NUP210L: variants seen among roughly 807,000 people sequenced by gnomAD.
NUP210L encodes nucleoporin 210 like.
Under a neutral mutation model 208.5 loss-of-function variants are expected in NUP210L, and 74 were observed. That is an observed-to-expected ratio of 0.35 (90% CI 0.29 to 0.43). The LOEUF (loss-of-function observed/expected upper bound fraction) is 0.43, where lower values mean the gene tolerates loss of function less well. NUP210L is among the 20% of genes least tolerant of loss of function. The pLI is 1.00. For synonymous variants in NUP210L, 780 were observed against 816.9 expected (o/e 0.95, Z 0.77); for missense variants, 1,843 against 2,289.4 (o/e 0.81, Z 3.98).
At chr1:154,126,286 G>A (rs773477654) in intron 10 of NUP210L, 37 bp downstream of exon 10, 52 of 1,584,048 alleles carry the variant, frequency 3.3e-5, no homozygotes, top group Non-Finnish European at 4.2e-5. Flanking sequence ...CCTCTTCAGT[G>A]TTCTTAGAAT....
At chr1:154,086,204 T>A in intron 16 of NUP210L, among the ~76,000 whole-genome samples, 1 of 135,046 alleles carries the variant, frequency 7.4e-6, no homozygotes. Flanking sequence ...AGAGTGAGAC[T>A]CAGTCTCAAA....
In NUP210L at chr1:154,086,287, C is replaced by T. The variant is rs548611678; in HGVS notation, c.2361+3134G>A. Among the ~76,000 whole-genome samples, 4 of 151,676 alleles carry T rather than the reference C, an allele frequency of 2.6e-5. No individual in the cohort carries two copies. The South Asian group carries it at 6.3e-4, about 24-fold the overall frequency. The stretch of plus-strand genomic sequence containing the variant: ...AAAACACAATAATGAAGTTAGATCC[C>T]TACCTCACACCATAAAAATGAACTC... On this transcript the variant is annotated intron_variant, in intron 16 of 39. Transcript: ENST00000368559.
At chr1:154,066,891 G>C (rs1023599419) in intron 17 of NUP210L, among the ~76,000 whole-genome samples, 1 of 152,130 alleles carries the variant, frequency 6.6e-6, no homozygotes, top group Non-Finnish European at 1.5e-5. Flanking sequence ...GACTAAACCA[G>C]GAAGAAGCTG....
chr1:154,081,813 C>G (rs1471534632), intron 16 of NUP210L, among the ~76,000 whole-genome samples: 1 of 152,022 alleles, frequency 6.6e-6, no homozygotes, highest in Non-Finnish European at 1.5e-5. Flanking sequence ...GAGACCCTGA[C>G]TCTACAGAAA....
At chr1:154,113,729 G>A (rs902344360) in intron 12 of NUP210L, among the ~76,000 whole-genome samples, 21 of 150,770 alleles carry the variant, frequency 1.4e-4, no homozygotes, top group African/African-American at 2.2e-4. Flanking sequence ...GTGGTGGCAC[G>A]TGCCTGTAAT....
chr1:154,106,634 CCCCCAG>C (rs1333625867), intron 12 of NUP210L, among the ~76,000 whole-genome samples: 3 of 152,174 alleles, frequency 2.0e-5, no homozygotes, highest in African/African-American at 7.2e-5. Context: ...TGTAACCCCA[CCCCCAG>C]CTCCAGACAG....
At chr1:154,146,209 A>G (rs1659102315) in intron 2 of NUP210L, among the ~76,000 whole-genome samples, 1 of 152,288 alleles carries the variant, frequency 6.6e-6, no homozygotes, top group South Asian at 2.1e-4. Context: ...AAGAGCCCCC[A>G]GTGGCCAAAG....
intron 37 of NUP210L, among the ~76,000 whole-genome samples, chr1:153,995,441 G>C (rs1421422216): frequency 6.6e-6 from 1 of 152,166 alleles, no homozygotes; most frequent in African/African-American, 2.4e-5. Flanking sequence ...GAGAGCTTCA[G>C]ATGTGAACTA....
chr1:154,039,415 G>T (rs1198931926), intron 27 of NUP210L, among the ~76,000 whole-genome samples: 1 of 151,884 alleles, frequency 6.6e-6, no homozygotes, highest in Non-Finnish European at 1.5e-5. Context: ...TGTAGTTTTA[G>T]TAGAGACGGG....
At chr1:154,042,131 ACT>A (rs1652920113) in intron 27 of NUP210L, among the ~76,000 whole-genome samples, 1 of 148,618 alleles carries the variant, frequency 6.7e-6, no homozygotes, top group Non-Finnish European at 1.5e-5. Flanking sequence ...ACAGGGTCTC[ACT>A]CTGTTACCCA....
At chr1:154,091,501 C>CTTT (rs772608860) in intron 15 of NUP210L, among the ~76,000 whole-genome samples, 1 of 124,632 alleles carries the variant, frequency 8.0e-6, no homozygotes, top group Non-Finnish European at 1.7e-5. Context: ...CTTTTCTTTT[C>CTTT]TTTTTTTTTT....
rs750813765 is a variant in NUP210L, at chr1:154,032,988, G to GAA, written c.3697-2936_3697-2935dup. ...GAAAAGAAAAGAAAAGAAAAGAAAAGAAAAGAAAGAAAGAAAAAAAGAAAG... is the reference window on the plus strand; with the variant it reads ...GAAAAGAAAAGAAAAGAAAAGAAAAGAAAAAAGAAAGAAAGAAAAAAAGAAAG... On this transcript the variant is annotated intron_variant, in intron 27 of 39. Transcript: ENST00000368559. Among the ~76,000 whole-genome samples, 2 of 124,444 alleles carry GAA rather than the reference G, an allele frequency of 1.6e-5. 1 individual carries two copies. The highest frequency in any genetic ancestry group is 4.6e-4 in the East Asian group (2 of 4,336). 81.6% of individuals were successfully genotyped at this position (124,444 alleles called of 152,430 possible).
intron 38 of NUP210L, among the ~76,000 whole-genome samples, chr1:153,993,858 A>G (rs1649649504): frequency 6.6e-6 from 1 of 152,146 alleles, no homozygotes; most frequent in African/African-American, 2.4e-5. Context: ...AGATTGCACC[A>G]CTTCACACCA....
intron 16 of NUP210L, among the ~76,000 whole-genome samples, chr1:154,074,553 A>T (rs1654939236): frequency 7.0e-6 from 1 of 143,868 alleles, no homozygotes; most frequent in South Asian, 2.2e-4. Flanking sequence ...CAGTGGCACG[A>T]TCTCGGCTCA....
At chr1:154,142,927 G>A (rs1179197298) in intron 3 of NUP210L, among the ~76,000 whole-genome samples, 15 of 151,220 alleles carry the variant, frequency 9.9e-5, no homozygotes, top group Admixed American at 2.0e-4. Flanking sequence ...GGTGGCTCAC[G>A]CCTGTAATCC....
chr1:154,032,189 T>A (rs896384375), intron 27 of NUP210L, among the ~76,000 whole-genome samples: 2 of 152,224 alleles, frequency 1.3e-5, no homozygotes, highest in Non-Finnish European at 2.9e-5. Flanking sequence ...CTCCTTGATA[T>A]AATGATTTCC....
At chr1:154,098,295 C>T (rs994444960) in intron 14 of NUP210L, among the ~76,000 whole-genome samples, 14 of 152,340 alleles carry the variant, frequency 9.2e-5, no homozygotes, top group Admixed American at 3.3e-4. Context: ...CAGGTCTCGG[C>T]TCCCTGAAGA....
chr1:154,153,709 G>A (rs1262811491), intron 1 of NUP210L, among the ~76,000 whole-genome samples: 1 of 152,194 alleles, frequency 6.6e-6, no homozygotes, highest in Non-Finnish European at 1.5e-5. Flanking sequence ...GCCTCCCAAA[G>A]TGCTGGGATT....
chr1:154,043,680 G>A (rs1653016571), intron 27 of NUP210L, among the ~76,000 whole-genome samples: 1 of 148,984 alleles, frequency 6.7e-6, no homozygotes, highest in Non-Finnish European at 1.5e-5. Flanking sequence ...AGGCTGGAGT[G>A]CAGTGGCGTG....
Sources: gnomAD v4.1 joint callset for allele counts (sites outside exome capture counted in the v4.1 genomes callset) on GRCh38, gnomAD v4.1.1 for gene constraint, MANE v1.5 for transcripts, NCBI Gene and HGNC (gene_info 2026-07-23, HGNC 2026-07-21) for gene names.